The following SLC40A1 variants were observed in gnomAD, a reference collection of about 807,000 sequenced individuals.
SLC40A1 encodes the protein ferroportin.
SLC40A1 carries 16 observed loss-of-function variants against 53.5 expected under a neutral mutation model. That is an observed-to-expected ratio of 0.30 (90% confidence interval 0.20 to 0.45). The LOEUF is 0.45. Ranked by LOEUF, SLC40A1 falls within the 20% of genes least tolerant of loss-of-function variation. The pLI, the probability that SLC40A1 is intolerant of heterozygous loss-of-function variation, is 1.00. For synonymous variants in SLC40A1, 247 were observed against 253.2 expected (o/e 0.98, Z 0.23); for missense variants, 545 against 695.4 (o/e 0.78, Z 2.43).
At chr2:189,579,498 A>G (rs1375302181) in intron 2 of SLC40A1, among the ~76,000 whole-genome samples, 1 of 152,234 alleles carries the variant, frequency 6.6e-6, no homozygotes, top group African/African-American at 2.4e-5. Flanking sequence ...TTTGTAGCAG[A>G]TATGTCTATT....
Position 189,563,975 on chromosome 2 carries a change from C to T in SLC40A1, c.1011G>A (p.Leu337=). 6.2e-7 allele frequency: 1 copy of T among 1,614,126 alleles called. No homozygotes were observed. Among genetic ancestry groups the T allele is most frequent in the Non-Finnish European group, 8.5e-7 (1 of 1,180,002 alleles). The change falls in exon 7 of 8, where the codon CTG becomes CTA. Residue 337 remains leucine, a synonymous_variant. Transcript: ENST00000261024. Reference sequence around the variant, plus strand: ...TCAAAATACTGAGGATGGAACCACTCAGTCCCTGAGTGTAGGCGTACCCTG... The same window carrying T: ...TCAAAATACTGAGGATGGAACCACTTAGTCCCTGAGTGTAGGCGTACCCTG... ...ITTGYAYTQG[L]SGSILSILMG... is the part of the protein sequence containing the mutation.
intron 2 of SLC40A1, among the ~76,000 whole-genome samples, chr2:189,577,916 C>A (rs997731822): frequency 2.6e-5 from 4 of 152,088 alleles, no homozygotes; most frequent in African/African-American, 9.7e-5. Flanking sequence ...TAGCCAGGAT[C>A]CACTTCTTAC....
rs570472779 is a variant in SLC40A1, at chr2:189,579,090, C to T, written c.111+723G>A. On this transcript the variant is annotated intron_variant, in intron 2 of 7. Transcript: ENST00000261024. Reference sequence around the variant, plus strand: ...CATCACTGAACATATATCTAGCACCCTTCTAGTTTATTATTTTTCGGAGAG... The same window carrying T: ...CATCACTGAACATATATCTAGCACCTTTCTAGTTTATTATTTTTCGGAGAG... 2.6e-5 allele frequency among the ~76,000 whole-genome samples: 4 copies of T among 152,240 alleles called. No homozygotes were observed. In the South Asian group the frequency reaches 8.3e-4, roughly 32 times the overall value.
intron 2 of SLC40A1, among the ~76,000 whole-genome samples, chr2:189,576,219 A>G (rs2031281609): frequency 6.6e-6 from 1 of 152,200 alleles, no homozygotes; most frequent in South Asian, 2.1e-4. Flanking sequence ...GAGGACAACC[A>G]TGTTCCATCA....
At position 189,561,785 on chromosome 2, in the gene SLC40A1, A is replaced by G; in HGVS notation, c.*93T>C. The G allele has an allele frequency of 8.7e-7, 1 of 1,152,890 alleles. No homozygotes were observed. Among genetic ancestry groups the G allele is most frequent in the Non-Finnish European group, 1.3e-6 (1 of 777,514 alleles). The allele number at this position is 1,152,890 out of a possible 1,614,324, so 71.4% of individuals were successfully genotyped here. ...GGCACAGCTGTGGTAAAAACAGAGC[A>G]AAACACCCAGCCATTTATTGGAATT... On this transcript the variant is annotated 3_prime_UTR_variant, in exon 8 of 8. Transcript: ENST00000261024.
Position 189,571,739 on chromosome 2 carries a change from C to T in SLC40A1, c.490G>A (p.Gly164Arg), listed in dbSNP as rs756389348. The change falls in exon 5 of 8, where the codon GGA (glycine) becomes AGA (arginine). Residue 164 changes from glycine (G) to arginine (R), a missense_variant. This residue lies in a region of SLC40A1 where 197 missense variants were observed against 278.8 expected (regional missense o/e 0.71). Transcript: ENST00000261024. Reference sequence around the variant, plus strand: ...CTTGCTAGTTTGCTTCTGTCTTCTCCTGCAACAACAACAATCCAATCCCTT... The same window carrying T: ...CTTGCTAGTTTGCTTCTGTCTTCTCTTGCAACAACAACAATCCAATCCCTT... The part of the protein sequence containing the change: ...IQRDWIVVVA[G>R]EDRSKLANMN... 5 of 1,613,022 alleles carry T rather than the reference C, an allele frequency of 3.1e-6. No homozygotes were observed. The highest frequency in any genetic ancestry group is 4.2e-6 in the Non-Finnish European group (5 of 1,179,130).
chr2:189,575,737 A>G (rs1190304388), intron 2 of SLC40A1, among the ~76,000 whole-genome samples: 1 of 152,238 alleles, frequency 6.6e-6, no homozygotes, highest in Non-Finnish European at 1.5e-5. Flanking sequence ...AGTACAGTTC[A>G]CAAACATTAG....
intron 2 of SLC40A1, among the ~76,000 whole-genome samples, chr2:189,577,749 G>A (rs1241308331): frequency 1.3e-5 from 2 of 151,654 alleles, no homozygotes; most frequent in Non-Finnish European, 2.9e-5. Context: ...CAGTAGCTGG[G>A]ACTACAGGTG....
At position 189,580,500 on chromosome 2, in the gene SLC40A1, C is replaced by CGCT. The variant is rs2031432941; in HGVS notation, c.-43_-41dup. 1.2e-6 allele frequency: 2 copies of CGCT among 1,611,924 alleles called. No individual in the cohort carries two copies. Among genetic ancestry groups the CGCT allele is most frequent in the African/African-American group, 1.3e-5 (1 of 74,930 alleles). On this transcript the variant is annotated 5_prime_UTR_variant, in exon 1 of 8. Coordinates refer to ENST00000261024, the MANE Select transcript of SLC40A1 (RefSeq NM_014585.6). The stretch of plus-strand genomic sequence containing the variant: ...CCGCTGGCTCTTCTGCGGCTGCTAT[C>CGCT]GCTGCTGCTGCTCTCGCTGAGGTGC...
Position 189,579,890 on chromosome 2 carries a change from C to T in SLC40A1, c.44-10G>A. The stretch of plus-strand genomic sequence containing the variant: ...TAGTCGGCCAAGGATCCTGCAAAGA[C>T]ACAGGCGGGGTGACAAAAAGCGATG... On this transcript the variant is annotated splice_polypyrimidine_tract_variant and intron_variant, in intron 1 of 7. Coordinates refer to ENST00000261024, the MANE Select transcript of SLC40A1 (RefSeq NM_014585.6). The T allele has an allele frequency of 6.2e-7, 1 of 1,614,068 alleles. No homozygotes were observed. Among genetic ancestry groups the T allele is most frequent in the Non-Finnish European group, 8.5e-7 (1 of 1,179,942 alleles).
At chr2:189,577,190 C>T (rs1258054417) in intron 2 of SLC40A1, among the ~76,000 whole-genome samples, 1 of 152,204 alleles carries the variant, frequency 6.6e-6, no homozygotes, top group Non-Finnish European at 1.5e-5. Context: ...AACCTAATAA[C>T]TGTCAATGAA....
At chr2:189,575,512 GC>G (rs1181434750) in intron 2 of SLC40A1, among the ~76,000 whole-genome samples, 192 bp from the exon 3 acceptor site, 3 of 152,250 alleles carry the variant, frequency 2.0e-5, no homozygotes, top group African/African-American at 7.2e-5. Flanking sequence ...AAATATTCTT[GC>G]CCAATTATTA....
At position 189,563,740 on chromosome 2, in the gene SLC40A1, C is replaced by G; in HGVS notation, c.1246G>C (p.Glu416Gln). The change falls in exon 7 of 8, where the codon GAG becomes CAG. Residue 416 changes from glutamate to glutamine, a missense_variant. This residue lies in a region of SLC40A1 where 234 missense variants were observed against 299.0 expected (regional missense o/e 0.78). Transcript: ENST00000261024. ...EDIRSRFIQG[E>Q]SITPTKIPEI... ...GGTATCTTGGTAGGTGTAATTGACT[C>G]TCCTTGAATGAACCTTGATCGGATA... 6.2e-7 allele frequency: 1 copy of G among 1,614,148 alleles called. No individual in the cohort carries two copies. Among genetic ancestry groups the G allele is most frequent in the Non-Finnish European group, 8.5e-7 (1 of 1,180,024 alleles).
intron 4 of SLC40A1, 33 bp from the exon 5 acceptor site, chr2:189,571,874 T>C (rs774362675): frequency 1.4e-6 from 2 of 1,412,668 alleles, no homozygotes; most frequent in African/African-American, 2.8e-5. Flanking sequence ...TGAGTTATAA[T>C]GTCAGTTTAC....
chr2:189,567,426 A>T (rs564212748), intron 5 of SLC40A1, among the ~76,000 whole-genome samples: 1 of 152,288 alleles, frequency 6.6e-6, no homozygotes, highest in South Asian at 2.1e-4. Context: ...ATGTATCTCC[A>T]TCTCATCTCA....
At chr2:189,573,576 T>C (rs192688242) in intron 3 of SLC40A1, among the ~76,000 whole-genome samples, 23 of 152,294 alleles carry the variant, frequency 1.5e-4, no homozygotes, top group Admixed American at 4.6e-4. Context: ...TAAGGACAGA[T>C]AAAGACACCT....
In SLC40A1 at chr2:189,563,645, A is replaced by G. The variant is rs1171947996; in HGVS notation, c.1341T>C (p.Pro447=). 5 of 1,614,188 alleles carry G rather than the reference A, an allele frequency of 3.1e-6. No homozygotes were observed. Among genetic ancestry groups the G allele is most frequent in the Non-Finnish European group, 4.2e-6 (5 of 1,179,994 alleles). ...NSANIVPETS[P]ESVPIISVSL... ...TGACAGAGATTATGGGCACAGATTC[A>G]GGACTTGTCTCCGGGACAATATTAG... Residue 447 remains proline (P), a synonymous_variant, in exon 7 of 8, where the codon CCT becomes CCC. Coordinates refer to ENST00000261024, the MANE Select transcript of SLC40A1 (RefSeq NM_014585.6).
In SLC40A1 at chr2:189,571,800, T is replaced by C. The variant is rs1460596496; in HGVS notation, c.429A>G (p.Ala143=). 1 of 1,612,726 alleles carries C rather than the reference T, an allele frequency of 6.2e-7. No individual in the cohort carries two copies. Among genetic ancestry groups the C allele is most frequent in the Admixed American group, 1.7e-5 (1 of 59,992 alleles). Residue 143 remains alanine, a synonymous_variant, in exon 5 of 8, where the codon GCA becomes GCG. Coordinates refer to ENST00000261024, the MANE Select transcript of SLC40A1 (RefSeq NM_014585.6). ...TTGCAGTAGCAGTACTGGCCAAATTTGCAATATTTGCAATAGTGATGATCA... is the reference window on the plus strand; with the variant it reads ...TTGCAGTAGCAGTACTGGCCAAATTCGCAATATTTGCAATAGTGATGATCA... The part of the protein sequence containing the change: ...YILIITIANI[A]NLASTATAIT...
intron 3 of SLC40A1, among the ~76,000 whole-genome samples, chr2:189,574,108 G>A (rs1311527945): frequency 1.3e-5 from 2 of 152,138 alleles, no homozygotes; most frequent in African/African-American, 4.8e-5. Context: ...AAAGAGTAAT[G>A]TATGAGTTGA....
Sources: allele counts gnomAD v4.1 joint callset (sites outside exome capture counted in the v4.1 genomes callset), GRCh38; gene constraint gnomAD v4.1.1; regional missense constraint gnomAD v4.1.1; transcripts MANE v1.5; gene names NCBI Gene and HGNC (gene_info 2026-07-23, HGNC 2026-07-21).